ADGRF4: variants seen among roughly 807,000 people sequenced by gnomAD.
The protein encoded by ADGRF4 is adhesion G protein-coupled receptor F4.
In ADGRF4, 63 loss-of-function variants were observed where a neutral mutation model predicts 58.5. The observed-to-expected ratio is 1.08, with a 90% CI of 0.88 to 1.33. ADGRF4 has a LOEUF of 1.33. Ranked by LOEUF, ADGRF4 falls within the 40% of genes most tolerant of loss-of-function variation. The pLI is 0.00. For synonymous variants in ADGRF4, 313 were observed against 295.4 expected (o/e 1.06, Z -0.61); for missense variants, 931 against 843.9 (o/e 1.10, Z -1.28).
In ADGRF4 at chr6:47,699,927, C is replaced by CACACACACACA. The variant is rs1192975005; in HGVS notation, c.-17+1133_-17+1134insACACACACACA. Reference sequence around the variant, plus strand: ...ATACACACACACACACACACACAGACGACACACCCCCCCCCCCAAAATGTG... The same window carrying CACACACACACA: ...ATACACACACACACACACACACAGACACACACACACAGACACACCCCCCCCCCCAAAATGTG... On this transcript the variant is annotated intron_variant, in intron 1 of 9. Coordinates refer to ENST00000283303, the MANE Select transcript of ADGRF4 (RefSeq NM_153838.5). Among the ~76,000 whole-genome samples, 7 of 123,528 alleles carry CACACACACACA rather than the reference C, an allele frequency of 5.7e-5. No individual in the cohort carries two copies. In the South Asian group the frequency reaches 1.8e-3, roughly 31 times the overall value. The allele number at this position is 123,528 out of a possible 152,430, so 81.0% of individuals were successfully genotyped here.
chr6:47,714,661 G>A lies in ADGRF4; in HGVS notation c.1416G>A (p.Met472Ile), dbSNP rs766706552. 6.2e-6 allele frequency: 10 copies of A among 1,614,074 alleles called. No individual in the cohort carries two copies. The African/African-American group carries it at 9.3e-5, about 15-fold the overall frequency. The stretch of plus-strand genomic sequence containing the variant: ...ACATTAAGGCCCAGGACTACAACAT[G>A]TGTGTTGCAGTGACATTTTTCAGCC... Reference protein sequence around the residue: ...HFNIKAQDYNMCVAVTFFSHF... With the variant: ...HFNIKAQDYNICVAVTFFSHF... Residue 472 changes from methionine to isoleucine, a missense_variant, in exon 6 of 10, where the codon ATG (methionine) becomes ATA (isoleucine). Physicochemically the swap from Met to Ile is conservative, Grantham distance 10 (BLOSUM62 1). Coordinates refer to ENST00000283303, the MANE Select transcript of ADGRF4 (RefSeq NM_153838.5).
chr6:47,711,218 A>G (rs776417789), intron 4 of ADGRF4, among the ~76,000 whole-genome samples: 1 of 152,158 alleles, frequency 6.6e-6, no homozygotes, highest in Non-Finnish European at 1.5e-5. Flanking sequence ...CTCTTGTGAT[A>G]ATCAGTTAAT....
At chr6:47,712,318 T>C (rs368143641) in intron 4 of ADGRF4, 39 bp from the exon 5 acceptor site, 155 of 1,604,814 alleles carry the variant, frequency 9.7e-5, no homozygotes, top group Non-Finnish European at 1.3e-4. Flanking sequence ...TGGTAGGTAC[T>C]TAATCATTTT....
At chr6:47,710,111 T>A (rs1581693912) in intron 3 of ADGRF4, among the ~76,000 whole-genome samples, 2 of 152,280 alleles carry the variant, frequency 1.3e-5, no homozygotes, top group Admixed American at 1.3e-4. Flanking sequence ...AGGTCATATA[T>A]TGATTAGTTG....
chr6:47,717,583 A>T (rs1459636115), intron 8 of ADGRF4, among the ~76,000 whole-genome samples: 2 of 152,260 alleles, frequency 1.3e-5, no homozygotes, highest in Non-Finnish European at 2.9e-5. Flanking sequence ...TCAGCTTGAC[A>T]TTTGAACCCA....
chr6:47,705,536 G>T (rs1246220050), intron 1 of ADGRF4, among the ~76,000 whole-genome samples: 1 of 152,200 alleles, frequency 6.6e-6, no homozygotes, highest in East Asian at 1.9e-4. Flanking sequence ...TCTGCCAGAT[G>T]ATGTTGTAAA....
chr6:47,712,207 G>A lies in ADGRF4; in HGVS notation c.301-150G>A, dbSNP rs564542591. The A allele has an allele frequency of 7.3e-5, 48 of 657,618 alleles. No individual in the cohort carries two copies. The Middle Eastern group carries it at 1.3e-3, about 17-fold the overall frequency. 40.7% of individuals were successfully genotyped at this position (657,618 alleles called of 1,614,324 possible). A position where few individuals can be genotyped will look rare whatever the true frequency, so the allele number is the denominator to read the frequency against. On this transcript the variant is annotated intron_variant, in intron 4 of 9. Transcript: ENST00000283303. Reference sequence around the variant, plus strand: ...TGCCTCTTTCTGATCCCACTGTATCGTCTCCACCCCCCTCTGCATCAAAAC... The same window carrying A: ...TGCCTCTTTCTGATCCCACTGTATCATCTCCACCCCCCTCTGCATCAAAAC...
At chr6:47,715,385 T>G in intron 6 of ADGRF4, 1 of 509,972 alleles carries the variant, frequency 2.0e-6, no homozygotes, top group Admixed American at 3.5e-5. Flanking sequence ...CCTTCTTTCC[T>G]CACTGATGCA....
intron 1 of ADGRF4, among the ~76,000 whole-genome samples, chr6:47,700,349 T>A (rs1771563626): frequency 6.6e-6 from 1 of 152,170 alleles, no homozygotes; most frequent in South Asian, 2.1e-4. Flanking sequence ...GTGTGAGTCA[T>A]CCCCTACAAT....
Position 47,717,333 on chromosome 6 carries a change from G to T in ADGRF4, c.2016G>T (p.Gly672=). 6.2e-7 allele frequency: 1 copy of T among 1,611,936 alleles called. No homozygotes were observed. The highest frequency in any genetic ancestry group is 8.5e-7 in the Non-Finnish European group (1 of 1,178,002). The change falls in exon 8 of 10, where the codon GGG becomes GGT. Residue 672 remains glycine (G), a synonymous_variant. Transcript: ENST00000283303. ...ALRMRMSSLK[G]KSRAAENASL... The stretch of plus-strand genomic sequence containing the variant: ...GGATGAGGATGTCTTCACTGAAGGG[G>T]AAATCGAGGGCAGCTGAGGTAAGCC...
At chr6:47,707,859 A>G (rs1771757269) in intron 2 of ADGRF4, among the ~76,000 whole-genome samples, 1 of 152,208 alleles carries the variant, frequency 6.6e-6, no homozygotes, top group Non-Finnish European at 1.5e-5. Context: ...GGTGGACCAC[A>G]TTAACTTCAT....
chr6:47,718,873 A>T (rs948216664), intron 9 of ADGRF4, among the ~76,000 whole-genome samples: 1 of 152,152 alleles, frequency 6.6e-6, no homozygotes, highest in Non-Finnish European at 1.5e-5. Context: ...TTAGCTACCT[A>T]CTTATAGCCA....
chr6:47,716,198 C>T (rs1018408668), intron 6 of ADGRF4, among the ~76,000 whole-genome samples: 4 of 152,142 alleles, frequency 2.6e-5, no homozygotes, highest in South Asian at 2.1e-4. Context: ...ATACATTTCT[C>T]CTTTCTCAGC....
intron 1 of ADGRF4, among the ~76,000 whole-genome samples, chr6:47,699,897 C>T (rs1348691095): frequency 1.0e-5 from 1 of 98,994 alleles, no homozygotes; most frequent in Non-Finnish European, 2.5e-5. Flanking sequence ...ACAACACACA[C>T]ACACATACAC....
intron 6 of ADGRF4, among the ~76,000 whole-genome samples, chr6:47,715,982 GATTTT>G (rs1333649019): frequency 0.01 from 655 of 63,812 alleles, 3 homozygotes; most frequent in African/African-American, 0.029. Flanking sequence ...TGACATGAGG[GATTTT>G]TTTTTTTTTT....
intron 5 of ADGRF4, 114 bp from the exon 6 acceptor site, chr6:47,713,684 A>G (rs1049502814): frequency 1.3e-6 from 1 of 794,980 alleles, no homozygotes; most frequent in African/African-American, 1.8e-5. Context: ...TTTGAAGAGA[A>G]ATATGCCAAA....
In ADGRF4 at chr6:47,717,421, C is replaced by T. The variant is rs75490711; in HGVS notation, c.2034+70C>T. ...TTGCCGGTTATGCAGAGACAAATAC[C>T]ATAGCTCAGTACTCAGGATCTGTGG... On this transcript the variant is annotated intron_variant, in intron 8 of 9. Transcript: ENST00000283303. 1,838 of 944,588 alleles carry T rather than the reference C, an allele frequency of 1.9e-3. 21 individuals carry two copies. The highest frequency in any genetic ancestry group is 0.013 in the African/African-American group (820 of 62,260). The allele number at this position is 944,588 out of a possible 1,614,324, so 58.5% of individuals were successfully genotyped here.
chr6:47,721,298 G>A lies in ADGRF4; in HGVS notation c.*93G>A, dbSNP rs1447639413. 2.0e-5 allele frequency: 3 copies of A among 152,192 alleles called. No homozygotes were observed. Among genetic ancestry groups the A allele is most frequent in the Non-Finnish European group, 4.4e-5 (3 of 68,032 alleles). The allele number at this position is 152,192 out of a possible 1,614,324, so 9.4% of individuals were successfully genotyped here. On this transcript the variant is annotated 3_prime_UTR_variant, in exon 10 of 10. Transcript: ENST00000283303. ...AAAGCAGGCTGGAGTGAGGAGGAAT[G>A]GTCATGCTTCCTTGGAAGACTTTCT...
chr6:47,707,463 T>C, intron 2 of ADGRF4, 125 bp downstream of exon 2: 1 of 673,730 alleles, frequency 1.5e-6, no homozygotes, highest in Non-Finnish European at 2.6e-6. Context: ...TTACTCTTGC[T>C]GATAGTAACT....
Sources: allele counts gnomAD v4.1 joint callset (sites outside exome capture counted in the v4.1 genomes callset), GRCh38; gene constraint gnomAD v4.1.1; transcripts MANE v1.5; gene names NCBI Gene and HGNC (gene_info 2026-07-23, HGNC 2026-07-21).